SCIMP: variants seen among roughly 807,000 people sequenced by gnomAD.
The protein encoded by SCIMP is SLP adaptor and CSK interacting membrane protein, also known as SLP adapter and CSK-interacting membrane protein.
A neutral mutation model predicts 22.0 loss-of-function variants in SCIMP; 18 were observed. That is an observed-to-expected ratio of 0.82 (90% CI 0.56 to 1.21). The LOEUF is 1.21. Among genes scored for constraint, SCIMP ranks in the 50% most tolerant of loss-of-function variants. The pLI is 0.00. For synonymous variants in SCIMP, 53 were observed against 62.2 expected (o/e 0.85, Z 0.70); for missense variants, 155 against 171.2 (o/e 0.91, Z 0.53).
chr17:5,226,109 G>A (rs1292704171), intron 1 of SCIMP, among the ~76,000 whole-genome samples: 2 of 152,170 alleles, frequency 1.3e-5, no homozygotes, highest in African/African-American at 4.8e-5. Context: ...TCTTTAGAGC[G>A]ATAGAAATAA....
chr17:5,210,879 G>A lies in SCIMP; in HGVS notation c.360C>T (p.Ser120=), dbSNP rs764395405. 6.8e-6 allele frequency: 11 copies of A among 1,614,124 alleles called. No individual in the cohort carries two copies. ...VNKVKNKKTV[S]IPSYIEPEDD... is the part of the protein sequence containing the mutation. ...CTTCAGGCTCAATGTAGCTTGGGATGGAAACAGTCTTCTTATTTTTAACTT... is the reference window on the plus strand; with the variant it reads ...CTTCAGGCTCAATGTAGCTTGGGATAGAAACAGTCTTCTTATTTTTAACTT... The change falls in exon 5 of 5, where the codon TCC becomes TCT. Residue 120 remains serine (S), a synonymous_variant. Coordinates refer to ENST00000574081, the MANE Select transcript of SCIMP (RefSeq NM_207103.3).
At chr17:5,233,367 C>G (rs1266504677) in intron 1 of SCIMP, among the ~76,000 whole-genome samples, 1 of 74,002 alleles carries the variant, frequency 1.4e-5, no homozygotes, top group Non-Finnish European at 3.6e-5. Flanking sequence ...CTTTAAGCCT[C>G]TCAGTAGTTT....
At chr17:5,234,212 A>C (rs1341798298) in intron 1 of SCIMP, among the ~76,000 whole-genome samples, 1 of 152,088 alleles carries the variant, frequency 6.6e-6, no homozygotes, top group Non-Finnish European at 1.5e-5. Context: ...CGGTGGTTGC[A>C]GTGAGCCGAG....
chr17:5,222,743 C>T (rs931447478), intron 2 of SCIMP, among the ~76,000 whole-genome samples: 1 of 152,126 alleles, frequency 6.6e-6, no homozygotes, highest in African/African-American at 2.4e-5. Flanking sequence ...CGGCTCACTG[C>T]AACCTCCGCC....
At chr17:5,228,670 T>C (rs2074670801) in intron 1 of SCIMP, among the ~76,000 whole-genome samples, 1 of 151,606 alleles carries the variant, frequency 6.6e-6, no homozygotes, top group Non-Finnish European at 1.5e-5. Flanking sequence ...AACAGTGAAA[T>C]GCATTTTTCT....
At chr17:5,213,309 T>A in intron 4 of SCIMP, 1 of 947,396 alleles carries the variant, frequency 1.1e-6, no homozygotes. Context: ...CCAGGTGCAG[T>A]GATGCTATCG....
intron 4 of SCIMP, 99 bp from the exon 5 acceptor site, chr17:5,211,054 C>T: frequency 6.7e-7 from 1 of 1,497,856 alleles, no homozygotes; most frequent in South Asian, 1.4e-5. Flanking sequence ...CAGTGATCTT[C>T]CCACTTCTAG....
At chr17:5,221,065 A>G (rs1490430484) in intron 3 of SCIMP, 1 of 654,754 alleles carries the variant, frequency 1.5e-6, no homozygotes, top group Non-Finnish European at 2.8e-6. Context: ...CTCAAAAAAA[A>G]AAAAAAGAGA....
At chr17:5,225,334 A>G (rs535058160) in intron 1 of SCIMP, among the ~76,000 whole-genome samples, 1 of 152,240 alleles carries the variant, frequency 6.6e-6, no homozygotes, top group African/African-American at 2.4e-5. Context: ...GTGTGGTGGC[A>G]CATGCCTGTA....
At chr17:5,225,028 C>G (rs1050440404) in intron 1 of SCIMP, among the ~76,000 whole-genome samples, 8 of 152,302 alleles carry the variant, frequency 5.3e-5, no homozygotes, top group African/African-American at 1.9e-4. Flanking sequence ...GAAGAGAGCA[C>G]AAGTCAGATC....
chr17:5,227,893 T>A (rs2074663458), intron 1 of SCIMP, among the ~76,000 whole-genome samples: 1 of 152,012 alleles, frequency 6.6e-6, no homozygotes, highest in South Asian at 2.1e-4. Context: ...ATGTGAAATA[T>A]GTTGGGCGCG....
At chr17:5,219,567 G>T (rs963162697) in intron 3 of SCIMP, among the ~76,000 whole-genome samples, 1 of 152,084 alleles carries the variant, frequency 6.6e-6, no homozygotes, top group Non-Finnish European at 1.5e-5. Flanking sequence ...GGCAGAGGTT[G>T]CAGGGAGCCG....
At chr17:5,221,778 A>G (rs1419496624) in intron 2 of SCIMP, among the ~76,000 whole-genome samples, 1 of 152,004 alleles carries the variant, frequency 6.6e-6, no homozygotes, top group Non-Finnish European at 1.5e-5. Flanking sequence ...AATGGAAACT[A>G]TTTTCTCCCC....
chr17:5,224,501 C>T (rs949683043), intron 1 of SCIMP, among the ~76,000 whole-genome samples: 11 of 144,132 alleles, frequency 7.6e-5, no homozygotes, highest in Non-Finnish European at 1.2e-4. Flanking sequence ...CTTGCTCTGT[C>T]GCCCAGGCTG....
In SCIMP at chr17:5,209,838, A is replaced by T. The variant is rs978758426; in HGVS notation, c.*963T>A. On this transcript the variant is annotated 3_prime_UTR_variant, in exon 5 of 5. Transcript: ENST00000574081. ...CAGTGGACCTTCTGCCTCCTCCCAG[A>T]TGCCCAGGGACAGTGATCTGGAAGG... 1 of 152,188 alleles carries T rather than the reference A, an allele frequency of 6.6e-6. No homozygotes were observed. Among genetic ancestry groups the T allele is most frequent in the Non-Finnish European group, 1.5e-5 (1 of 68,048 alleles). The allele number at this position is 152,188 out of a possible 1,614,324, so 9.4% of individuals were successfully genotyped here. A position where few individuals can be genotyped will look rare whatever the true frequency, so the allele number is the denominator to read the frequency against.
intron 1 of SCIMP, among the ~76,000 whole-genome samples, chr17:5,226,366 G>T (rs949940788): frequency 6.6e-6 from 1 of 152,116 alleles, no homozygotes; most frequent in African/African-American, 2.4e-5. Context: ...TGGGAAAGAG[G>T]AAGTGGAATG....
intron 1 of SCIMP, among the ~76,000 whole-genome samples, chr17:5,226,666 C>T (rs959608734): frequency 1.3e-5 from 2 of 151,698 alleles, no homozygotes; most frequent in East Asian, 1.9e-4. Flanking sequence ...CCACCATGCC[C>T]GGCTAATTTT....
At chr17:5,221,436 A>G in intron 2 of SCIMP, 86 bp from the exon 3 acceptor site, 1 of 984,404 alleles carries the variant, frequency 1.0e-6, no homozygotes, top group Non-Finnish European at 1.6e-6. Flanking sequence ...ACACTTAGGG[A>G]CACAGTTAAT....
chr17:5,211,148 T>G (rs1197583575), intron 4 of SCIMP, among the ~76,000 whole-genome samples, 193 bp from the exon 5 acceptor site: 1 of 152,040 alleles, frequency 6.6e-6, no homozygotes, highest in Non-Finnish European at 1.5e-5. Flanking sequence ...AACTGGAAAA[T>G]ATTAGTCAGA....
Sources: allele counts gnomAD v4.1 joint callset (sites outside exome capture counted in the v4.1 genomes callset), GRCh38; gene constraint gnomAD v4.1.1; transcripts MANE v1.5; gene names NCBI Gene and HGNC (gene_info 2026-07-23, HGNC 2026-07-21).